The following GRK5 variants were observed in gnomAD, a reference collection of about 807,000 sequenced individuals.
GRK5 encodes G protein-coupled receptor kinase 5, also known as g protein-coupled receptor kinase GRK5.
A neutral mutation model predicts 78.4 loss-of-function variants in GRK5; 40 were observed. The ratio of observed to expected loss-of-function variants is 0.51; its 90% CI spans 0.40 to 0.66. The LOEUF is 0.66. Among genes scored for constraint, GRK5 ranks in the 30% least tolerant of loss-of-function variants. The pLI is 0.00. For missense variants in GRK5, 598 were observed against 759.9 expected (o/e 0.79, Z 2.50); for synonymous variants, 289 against 296.8 (o/e 0.97, Z 0.27).
chr10:119,234,111 A>C (rs1387146686), intron 1 of GRK5, among the ~76,000 whole-genome samples: 1 of 152,206 alleles, frequency 6.6e-6, no homozygotes, highest in Admixed American at 6.5e-5. Context: ...CATCACCAAA[A>C]TAGCTGTAAA....
Position 119,412,748 on chromosome 10 carries a change from G to T in GRK5, c.340-10418G>T, listed in dbSNP as rs750012136. On this transcript the variant is annotated intron_variant, in intron 4 of 15. Coordinates refer to ENST00000392870, the MANE Select transcript of GRK5 (RefSeq NM_005308.3). This position sits in a 1 kb window ranked among gnomAD's most constrained non-coding sequence, Gnocchi z 4.3. ...CCTCAAGTGAGGAAATGCTCTCTGC[G>T]CCTGCTGCTCAGCAAACCTTTTTCT... 1.3e-5 allele frequency among the ~76,000 whole-genome samples: 2 copies of T among 152,170 alleles called. No individual in the cohort carries two copies. The highest frequency in any genetic ancestry group is 4.8e-5 in the African/African-American group (2 of 41,432).
At chr10:119,230,830 C>CAAAAAAAAA (rs5788332) in intron 1 of GRK5, among the ~76,000 whole-genome samples, 1 of 61,518 alleles carries the variant, frequency 1.6e-5, no homozygotes, top group African/African-American at 7.2e-5. Flanking sequence ...GACCCTATCT[C>CAAAAAAAAA]AAAAAAAAAA....
At chr10:119,394,767 CTG>C (rs764434660) in intron 3 of GRK5, among the ~76,000 whole-genome samples, 1 of 89,262 alleles carries the variant, frequency 1.1e-5, no homozygotes, top group African/African-American at 4.6e-5. Context: ...GGGTGTGTAT[CTG>C]TGTGTGTGTG....
chr10:119,271,203 A>G lies in GRK5; in HGVS notation c.53-55313A>G, dbSNP rs984201125. On this transcript the variant is annotated intron_variant, in intron 1 of 15. Coordinates refer to ENST00000392870, the MANE Select transcript of GRK5 (RefSeq NM_005308.3). This position sits in a 1 kb window ranked among gnomAD's most constrained non-coding sequence, Gnocchi z 4.1. ...GGAAACCTGCCCGGGCCACACGTGT[A>G]CAGCCACATCCTCCACGCCCTTTGG... is the stretch of plus-strand genomic sequence containing the variant. 1.3e-5 allele frequency among the ~76,000 whole-genome samples: 2 copies of G among 152,178 alleles called. No individual in the cohort carries two copies. Among genetic ancestry groups the G allele is most frequent in the African/African-American group, 2.4e-5 (1 of 41,442 alleles).
rs1459017421 is a variant in GRK5, at chr10:119,238,339, GATTTCCTCTGGAGGTTTAAA to G, written c.52+30373_52+30392del. Among the ~76,000 whole-genome samples the G allele has an allele frequency of 6.6e-6, 1 of 152,074 alleles. No individual in the cohort carries two copies. Among genetic ancestry groups the G allele is most frequent in the African/African-American group, 2.4e-5 (1 of 41,412 alleles). On this transcript the variant is annotated intron_variant, in intron 1 of 15. Coordinates refer to ENST00000392870, the MANE Select transcript of GRK5 (RefSeq NM_005308.3). The surrounding 1 kb of genome is among the most constrained non-coding windows in gnomAD (Gnocchi z 4.7). ...ACTGGCTCATCCAGGGAGGTGGCGC[GATTTCCTCTGGAGGTTTAAA>G]ATAAATAGCAGGTACTTGATTTCAT...
intron 2 of GRK5, among the ~76,000 whole-genome samples, chr10:119,340,935 T>C (rs979740462): frequency 3.9e-5 from 6 of 152,158 alleles, no homozygotes; most frequent in Non-Finnish European, 8.8e-5. Flanking sequence ...TTTCCTGTCT[T>C]CTTGGGGGAA....
intron 1 of GRK5, among the ~76,000 whole-genome samples, chr10:119,288,129 A>G (rs556740846): frequency 6.2e-4 from 94 of 152,278 alleles, no homozygotes; most frequent in Non-Finnish European, 1.2e-3. Flanking sequence ...GCTGCACCTC[A>G]TGTTAGAGAC....
intron 12 of GRK5, among the ~76,000 whole-genome samples, chr10:119,443,994 G>T (rs1209108691): frequency 6.6e-6 from 1 of 152,118 alleles, no homozygotes; most frequent in Non-Finnish European, 1.5e-5. Flanking sequence ...AGGGAAGAGG[G>T]GTGAGGGGAA....
At position 119,430,971 on chromosome 10, in the gene GRK5, G is replaced by T. The variant is rs1285184122; in HGVS notation, c.598-416G>T. On this transcript the variant is annotated intron_variant, in intron 7 of 15. Transcript: ENST00000392870. The surrounding 1 kb of genome is among the most constrained non-coding windows in gnomAD (Gnocchi z 4.5). ...CTAAGACTTAAGCCCAAATGCTTTG[G>T]TTCCCGCTTATCTGGATTATGAAGT... 2.6e-5 allele frequency among the ~76,000 whole-genome samples: 4 copies of T among 152,180 alleles called. No homozygotes were observed. Among genetic ancestry groups the T allele is most frequent in the Non-Finnish European group, 5.9e-5 (4 of 68,016 alleles).
chr10:119,208,281 G>C (rs905554032), intron 1 of GRK5, among the ~76,000 whole-genome samples: 48 of 152,320 alleles, frequency 3.2e-4, no homozygotes, highest in African/African-American at 1.2e-3. Flanking sequence ...GCATTCATTC[G>C]GGGAGCGACG....
At chr10:119,393,139 C>T (rs373635565) in intron 3 of GRK5, among the ~76,000 whole-genome samples, 2 of 152,246 alleles carry the variant, frequency 1.3e-5, no homozygotes, top group African/African-American at 4.8e-5. Flanking sequence ...TGGCCTGTCA[C>T]TAGGTGTCTT....
rs112640010 is a variant in GRK5, at chr10:119,425,268, TAC to T, written c.533+211_533+212del. Among the ~76,000 whole-genome samples the T allele has an allele frequency of 8.8e-3, 1,116 of 126,524 alleles. 8 individuals carry two copies. The highest frequency in any genetic ancestry group is 0.013 in the Non-Finnish European group (736 of 55,110). The allele number at this position is 126,524 out of a possible 152,430, so 83.0% of individuals were successfully genotyped here. A position where few individuals can be genotyped will look rare whatever the true frequency, so the allele number is the denominator to read the frequency against. On this transcript the variant is annotated intron_variant, in intron 6 of 15. Transcript: ENST00000392870. The stretch of plus-strand genomic sequence containing the variant: ...GTATGCTTATTCAAGCACACACACA[TAC>T]ACACACACACACACACACACACACA...
rs191787195 is a variant in GRK5, at chr10:119,264,961, G to A, written c.52+56992G>A. On this transcript the variant is annotated intron_variant, in intron 1 of 15. Coordinates refer to ENST00000392870, the MANE Select transcript of GRK5 (RefSeq NM_005308.3). This position sits in a 1 kb window ranked among gnomAD's most constrained non-coding sequence, Gnocchi z 4.1. ...AGCTCAGTGTCCTGTTGGGAAGGCCGACTCAGAGACAGCTTTCATTCTTTT... is the reference window on the plus strand; with the variant it reads ...AGCTCAGTGTCCTGTTGGGAAGGCCAACTCAGAGACAGCTTTCATTCTTTT... Among the ~76,000 whole-genome samples the A allele has an allele frequency of 6.4e-3, 971 of 152,300 alleles. 7 individuals carry two copies. The highest frequency in any genetic ancestry group is 0.019 in the African/African-American group (807 of 41,562).
intron 1 of GRK5, among the ~76,000 whole-genome samples, chr10:119,214,862 A>T (rs980208396): frequency 1.3e-5 from 2 of 152,216 alleles, no homozygotes; most frequent in Non-Finnish European, 2.9e-5. Context: ...AATGGAAACC[A>T]TTAAAAACAA....
chr10:119,250,303 G>C (rs1250219209), intron 1 of GRK5, among the ~76,000 whole-genome samples: 2 of 152,194 alleles, frequency 1.3e-5, no homozygotes, highest in Non-Finnish European at 2.9e-5. Flanking sequence ...TTTGAACTCA[G>C]TTGTGGGGGC....
intron 1 of GRK5, among the ~76,000 whole-genome samples, chr10:119,317,844 G>A (rs1234028827): frequency 1.3e-5 from 2 of 152,036 alleles, no homozygotes; most frequent in African/African-American, 2.4e-5. Context: ...GAGTGGTCCC[G>A]TCATTCCTTT....
In GRK5 at chr10:119,443,620, G is replaced by A; in HGVS notation, c.1134G>A (p.Met378Ile). The A allele has an allele frequency of 6.2e-7, 1 of 1,613,696 alleles. No individual in the cohort carries two copies. Residue 378 changes from methionine to isoleucine, a missense_variant, in exon 12 of 16, where the codon ATG (methionine) becomes ATA (isoleucine). Transcript: ENST00000392870. ...YWGLGCLIYE[M>I]IEGQSPFRGR... ...GCCTTGGCTGCCTCATCTATGAGAT[G>A]ATCGAGGGCCAGTCGCCGTTCCGCG...
chr10:119,447,985 C>A, intron 12 of GRK5, 138 bp from the exon 13 acceptor site: 2 of 1,036,858 alleles, frequency 1.9e-6, no homozygotes, highest in East Asian at 2.9e-5. Flanking sequence ...GACTCAGAGG[C>A]AGCCCTGAAG....
chr10:119,230,303 T>C (rs1848804393), intron 1 of GRK5, among the ~76,000 whole-genome samples: 4 of 152,076 alleles, frequency 2.6e-5, no homozygotes, highest in Admixed American at 2.6e-4. Flanking sequence ...CTAGGCAATA[T>C]GGTAAGACCC....
Sources: allele counts gnomAD v4.1 joint callset (sites outside exome capture counted in the v4.1 genomes callset), GRCh38; gene constraint gnomAD v4.1.1; non-coding constraint Gnocchi (gnomAD v3.1); transcripts MANE v1.5; gene names NCBI Gene and HGNC (gene_info 2026-07-23, HGNC 2026-07-21).